MME: variants seen among roughly 807,000 people sequenced by gnomAD.
MME encodes neprilysin.
MME carries 98 observed loss-of-function variants against 113.2 expected under a neutral mutation model. The ratio of observed to expected loss-of-function variants is 0.87; its 90% CI spans 0.74 to 1.02. The LOEUF is 1.02. MME is among the 50% of genes least tolerant of loss of function. The pLI is 0.00. For synonymous variants in MME, 292 were observed against 300.6 expected (o/e 0.97, Z 0.30); for missense variants, 836 against 896.0 (o/e 0.93, Z 0.86).
chr3:155,030,302 A>AT (rs967281169), intron 1 of MME, among the ~76,000 whole-genome samples: 43 of 152,060 alleles, frequency 2.8e-4, no homozygotes, highest in Middle Eastern at 3.2e-3. Context: ...TGTAAGTATA[A>AT]TTTTTTCTTT....
At chr3:155,162,136 G>T (rs1722763598) in intron 17 of MME, among the ~76,000 whole-genome samples, 1 of 152,180 alleles carries the variant, frequency 6.6e-6, no homozygotes. Flanking sequence ...AGCCCAGGGA[G>T]GACCCTGGAT....
chr3:155,145,714 TG>T (rs1292884001), intron 14 of MME, among the ~76,000 whole-genome samples: 5 of 152,202 alleles, frequency 3.3e-5, no homozygotes, highest in Non-Finnish European at 7.3e-5. Context: ...ACTTGCTTAA[TG>T]TTTTTGCGAC....
chr3:155,121,972 G>T, intron 8 of MME, among the ~76,000 whole-genome samples: 1 of 109,610 alleles, frequency 9.1e-6, no homozygotes, highest in African/African-American at 3.5e-5. Flanking sequence ...CTATTGATTG[G>T]AATAGTTTCA....
intron 7 of MME, among the ~76,000 whole-genome samples, chr3:155,118,449 A>G (rs764323411): frequency 2.6e-5 from 4 of 152,206 alleles, no homozygotes; most frequent in Non-Finnish European, 4.4e-5. Flanking sequence ...GTTTTTGTTC[A>G]CTTGCACCTT....
intron 18 of MME, 24 bp downstream of exon 18, chr3:155,167,045 T>C: frequency 6.2e-7 from 1 of 1,613,210 alleles, no homozygotes; most frequent in South Asian, 1.1e-5. Flanking sequence ...GACATTTTCC[T>C]TTGGCTGAGG....
upstream of MME, among the ~76,000 whole-genome samples, chr3:155,076,388 T>C (rs1714751508): frequency 1.3e-5 from 2 of 152,214 alleles, no homozygotes; most frequent in Admixed American, 6.5e-5. Context: ...CCCTTGGCAC[T>C]TGCAAGTCCT....
intron 1 of MME, among the ~76,000 whole-genome samples, chr3:155,027,200 C>T (rs770788876): frequency 1.3e-5 from 2 of 152,142 alleles, no homozygotes; most frequent in Non-Finnish European, 2.9e-5. Flanking sequence ...CAGAACTGCC[C>T]TGAGTCAGGG....
At chr3:155,138,030 A>T in intron 8 of MME, 72 bp from the exon 9 acceptor site, 1 of 1,538,328 alleles carries the variant, frequency 6.5e-7, no homozygotes. Context: ...TATTGAAATG[A>T]AAATAAATTT....
In MME at chr3:155,142,222, G is replaced by T. The variant is rs776434454; in HGVS notation, c.1095-15G>T. ...TCATCTTTTCTGTTGCTGGGCGGTG[G>T]TTTTTTTTATACAGAGATCTTCAAA... On this transcript the variant is annotated splice_polypyrimidine_tract_variant and intron_variant, in intron 11 of 22. Transcript: ENST00000360490. 1.2e-5 allele frequency: 19 copies of T among 1,611,998 alleles called. No individual in the cohort carries two copies. The highest frequency in any genetic ancestry group is 3.3e-5 in the South Asian group (3 of 91,032).
At chr3:155,168,326 G>C (rs1174398022) in intron 18 of MME, among the ~76,000 whole-genome samples, 166 bp from the exon 19 acceptor site, 1 of 152,160 alleles carries the variant, frequency 6.6e-6, no homozygotes, top group African/African-American at 2.4e-5. Context: ...TGGCAGTCCA[G>C]GCTTTGCCAA....
intron 1 of MME, among the ~76,000 whole-genome samples, chr3:155,024,766 A>C (rs1374429709): frequency 6.6e-6 from 1 of 152,228 alleles, no homozygotes; most frequent in Non-Finnish European, 1.5e-5. Context: ...TGTCGTAGAG[A>C]TACATTTCCT....
intron 3 of MME, among the ~76,000 whole-genome samples, chr3:155,103,434 C>A (rs888577130): frequency 1.3e-5 from 2 of 152,162 alleles, no homozygotes; most frequent in African/African-American, 4.8e-5. Flanking sequence ...TAGGTTTAGC[C>A]CCTTTCTATC....
intron 8 of MME, among the ~76,000 whole-genome samples, chr3:155,126,628 G>A (rs943361038): frequency 1.3e-5 from 2 of 152,108 alleles, no homozygotes; most frequent in African/African-American, 2.4e-5. Flanking sequence ...TAGTAAGTCA[G>A]TAGAATTTGA....
intron 17 of MME, among the ~76,000 whole-genome samples, chr3:155,166,028 T>C (rs1252949919): frequency 6.6e-6 from 1 of 152,204 alleles, no homozygotes; most frequent in Non-Finnish European, 1.5e-5. Flanking sequence ...ATTTATTTAT[T>C]CACTAAACTC....
At chr3:155,164,785 T>C (rs1347833753) in intron 17 of MME, among the ~76,000 whole-genome samples, 1 of 152,236 alleles carries the variant, frequency 6.6e-6, no homozygotes, top group Non-Finnish European at 1.5e-5. Flanking sequence ...CTCAGGCTGC[T>C]ACACGTGAGG....
Position 155,123,779 on chromosome 3 carries a change from G to A in MME, c.720+4968G>A, listed in dbSNP as rs1396084284. Among the ~76,000 whole-genome samples the A allele has an allele frequency of 4.6e-5, 3 of 64,954 alleles. 1 individual carries two copies. The highest frequency in any genetic ancestry group is 1.0e-4 in the Non-Finnish European group (3 of 28,752). 42.6% of individuals were successfully genotyped at this position (64,954 alleles called of 152,430 possible). A position where few individuals can be genotyped will look rare whatever the true frequency, so the allele number is the denominator to read the frequency against. On this transcript the variant is annotated intron_variant, in intron 8 of 22. Coordinates refer to ENST00000360490, the MANE Select transcript of MME (RefSeq NM_007289.4). ...TCTTCTGGCTTGTAGGGTTTCTGCC[G>A]AGAGATCCGTTGTTAGTCTGATGGG...
At chr3:155,088,943 C>T (rs936515393) in intron 3 of MME, among the ~76,000 whole-genome samples, 1 of 151,982 alleles carries the variant, frequency 6.6e-6, no homozygotes, top group Admixed American at 6.6e-5. Context: ...TCTTTGAAGT[C>T]AAGGAATACA....
chr3:155,037,616 G>T (rs566430141), intron 1 of MME, among the ~76,000 whole-genome samples: 2 of 152,132 alleles, frequency 1.3e-5, no homozygotes, highest in East Asian at 3.9e-4. Flanking sequence ...AGAAAGATGA[G>T]GAAGAACTAA....
At position 155,182,479 on chromosome 3, in the gene MME, T is replaced by C. The variant is rs1460240708; in HGVS notation, c.*2020T>C. 1 of 152,238 alleles carries C rather than the reference T, an allele frequency of 6.6e-6. No individual in the cohort carries two copies. Among genetic ancestry groups the C allele is most frequent in the Admixed American group, 6.5e-5 (1 of 15,276 alleles). 9.4% of individuals were successfully genotyped at this position (152,238 alleles called of 1,614,324 possible). The stretch of plus-strand genomic sequence containing the variant: ...ATTATAGTTTCAAGCCAACTGTGGA[T>C]ACCCTTACCCTTTCCTCCTTTATCA... On this transcript the variant is annotated 3_prime_UTR_variant, in exon 23 of 23. Coordinates refer to ENST00000360490, the MANE Select transcript of MME (RefSeq NM_007289.4).
Sources: gnomAD v4.1 joint callset for allele counts (sites outside exome capture counted in the v4.1 genomes callset) on GRCh38, gnomAD v4.1.1 for gene constraint, MANE v1.5 for transcripts, NCBI Gene and HGNC (gene_info 2026-07-23, HGNC 2026-07-21) for gene names.